The following SAMD12 variants were observed in gnomAD, a reference collection of about 807,000 sequenced individuals.
SAMD12 encodes sterile alpha motif domain containing 12, also known as sterile alpha motif domain-containing protein 12.
A neutral mutation model predicts 15.0 loss-of-function variants in SAMD12; 9 were observed. The observed-to-expected ratio is 0.60, with a 90% CI of 0.36 to 1.05. The LOEUF (loss-of-function observed/expected upper bound fraction) is 1.05. SAMD12 is among the 50% of genes least tolerant of loss of function. The pLI, the probability that SAMD12 is intolerant of heterozygous loss-of-function variation, is 0.01. For synonymous variants in SAMD12, 86 were observed against 90.1 expected (o/e 0.96, Z 0.25); for missense variants, 230 against 234.2 (o/e 0.98, Z 0.12).
chr8:118,193,055 C>T (rs1819453202), exon 5 of SAMD12: 1 of 152,188 alleles, frequency 6.6e-6, no homozygotes, highest in South Asian at 2.1e-4. Context: ...TGCCTGATGG[C>T]AGTTCCCTTT....
At chr8:118,182,122 G>A in the SAMD12 span, among the ~76,000 whole-genome samples, 1 of 152,156 alleles carries the variant, frequency 6.6e-6, no homozygotes, top group Non-Finnish European at 1.5e-5. Flanking sequence ...ATGCTGCAGG[G>A]AAAGTGTCTA....
chr8:118,398,462 T>C (rs1820702144), intron 3 of SAMD12, among the ~76,000 whole-genome samples: 1 of 152,130 alleles, frequency 6.6e-6, no homozygotes, highest in African/African-American at 2.4e-5. Flanking sequence ...AGATAGCAAA[T>C]GACAGAAGAA....
chr8:118,471,110 A>C (rs1445909381), intron 2 of SAMD12, among the ~76,000 whole-genome samples: 5 of 152,224 alleles, frequency 3.3e-5, no homozygotes, highest in Non-Finnish European at 1.5e-5. Context: ...CTAATTTAAT[A>C]ATAAAGCATG....
the SAMD12 span, among the ~76,000 whole-genome samples, chr8:118,169,339 T>A: frequency 1.3e-5 from 2 of 152,204 alleles, no homozygotes; most frequent in South Asian, 4.1e-4. Context: ...ATGTTTTAAG[T>A]TTTAGCACAC....
At chr8:118,499,243 T>C (rs149742181) in intron 2 of SAMD12, among the ~76,000 whole-genome samples, 8 of 152,334 alleles carry the variant, frequency 5.3e-5, no homozygotes, top group African/African-American at 1.9e-4. Flanking sequence ...TGCTCCAGCC[T>C]GAGTGTGACA....
At chr8:118,153,349 C>T in the SAMD12 span, among the ~76,000 whole-genome samples, 1 of 84,004 alleles carries the variant, frequency 1.2e-5, no homozygotes, top group Middle Eastern at 5.3e-3. Context: ...ACATTTGAGC[C>T]CTTTGCTCAT....
intron 2 of SAMD12, among the ~76,000 whole-genome samples, chr8:118,523,351 A>G (rs1825444406): frequency 6.6e-6 from 1 of 152,132 alleles, no homozygotes; most frequent in Admixed American, 6.5e-5. Context: ...GTAAGCACCA[A>G]TGTCACAGTG....
At chr8:118,141,114 G>T in the SAMD12 span, among the ~76,000 whole-genome samples, 1 of 152,256 alleles carries the variant, frequency 6.6e-6, no homozygotes, top group South Asian at 2.1e-4. Context: ...AGAATATTTA[G>T]GAACTGGCAA....
chr8:118,303,671 CCTGA>C (rs1472981998), intron 4 of SAMD12, among the ~76,000 whole-genome samples: 1 of 150,406 alleles, frequency 6.6e-6, no homozygotes, highest in East Asian at 1.9e-4. Flanking sequence ...TTTTTTTTTT[CCTGA>C]CTGTGTTTCT....
At chr8:118,247,877 A>G (rs1812732061) in intron 4 of SAMD12, among the ~76,000 whole-genome samples, 1 of 152,144 alleles carries the variant, frequency 6.6e-6, no homozygotes, top group South Asian at 2.1e-4. Flanking sequence ...AAAAATGAAG[A>G]AAAGATTTAT....
chr8:118,518,490 C>T (rs1157213114), intron 2 of SAMD12, among the ~76,000 whole-genome samples: 1 of 152,206 alleles, frequency 6.6e-6, no homozygotes, highest in African/African-American at 2.4e-5. Context: ...CCCTGTACCC[C>T]AATGCCAAAA....
intron 2 of SAMD12, among the ~76,000 whole-genome samples, chr8:118,547,806 T>C (rs906891268): frequency 6.6e-6 from 1 of 152,234 alleles, no homozygotes; most frequent in Non-Finnish European, 1.5e-5. Context: ...CACCTTGTCC[T>C]AAGAAATAAC....
At chr8:118,609,060 C>A (rs1439779003) in intron 1 of SAMD12, among the ~76,000 whole-genome samples, 1 of 152,098 alleles carries the variant, frequency 6.6e-6, no homozygotes, top group African/African-American at 2.4e-5. Context: ...ACACTGAAAT[C>A]AATGTGAGCT....
intron 4 of SAMD12, among the ~76,000 whole-genome samples, chr8:118,342,596 G>C (rs181489418): frequency 6.6e-6 from 1 of 152,182 alleles, no homozygotes; most frequent in South Asian, 2.1e-4. Context: ...GATGACGATG[G>C]AAGTACTGAC....
At chr8:118,537,853 T>G (rs1247923523) in intron 2 of SAMD12, among the ~76,000 whole-genome samples, 1 of 152,238 alleles carries the variant, frequency 6.6e-6, no homozygotes, top group Non-Finnish European at 1.5e-5. Flanking sequence ...TGGATTACAC[T>G]GATGCTTGTC....
chr8:118,295,220 CT>C (rs1175397326), intron 4 of SAMD12, among the ~76,000 whole-genome samples: 2 of 152,070 alleles, frequency 1.3e-5, no homozygotes, highest in East Asian at 3.9e-4. Context: ...TAAATTATTG[CT>C]TTGTTGTTTG....
chr8:118,427,023 T>C (rs943958228), intron 3 of SAMD12, among the ~76,000 whole-genome samples: 3 of 152,214 alleles, frequency 2.0e-5, no homozygotes, highest in Non-Finnish European at 4.4e-5. Context: ...GAAGAGAGTA[T>C]TGTTCCTTTG....
intron 3 of SAMD12, among the ~76,000 whole-genome samples, chr8:118,397,131 C>G (rs906873335): frequency 1.3e-5 from 2 of 152,156 alleles, no homozygotes; most frequent in Non-Finnish European, 2.9e-5. Flanking sequence ...GGGCATGTTG[C>G]TATACAGGCT....
At chr8:118,302,077 A>ATT (rs1815061746) in intron 4 of SAMD12, among the ~76,000 whole-genome samples, 2 of 70,968 alleles carry the variant, frequency 2.8e-5, no homozygotes, top group Non-Finnish European at 2.3e-5. Context: ...GATCTTTGAG[A>ATT]GTTTTTTTTT....
Sources: allele counts gnomAD v4.1 joint callset (sites outside exome capture counted in the v4.1 genomes callset), GRCh38; gene constraint gnomAD v4.1.1; transcripts MANE v1.5; gene names NCBI Gene and HGNC (gene_info 2026-07-23, HGNC 2026-07-21).